Variants in TAB3 observed in about 807,000 individuals in gnomAD.
TAB3 encodes the protein TGF-beta-activated kinase 1 and MAP3K7-binding protein 3.
In TAB3, 18 loss-of-function variants were observed where a neutral mutation model predicts 48.1. The ratio of observed to expected loss-of-function variants is 0.37; its 90% CI spans 0.26 to 0.55. The LOEUF (loss-of-function observed/expected upper bound fraction) is 0.55. Ranked by LOEUF, TAB3 falls within the 20% of genes least tolerant of loss-of-function variation. The pLI is 0.78. For synonymous variants in TAB3, 185 were observed against 190.2 expected (o/e 0.97, Z 0.22); for missense variants, 414 against 549.8 (o/e 0.75, Z 2.47).
At chrX:30,840,710 G>T (rs1482833) in intron 9 of TAB3, among the ~76,000 whole-genome samples, 54,199 of 109,927 alleles carry the variant, frequency 0.49, 10,513 homozygotes, top group Non-Finnish European at 0.62. Context: ...ATGATTGTGA[G>T]GCCCGCCCAG....
intron 8 of TAB3, chrX:30,845,419 A>G (rs17283005): frequency 0.045 from 5,096 of 112,095 alleles, 133 homozygotes; most frequent in Non-Finnish European, 0.07. Context: ...ATGATGACCT[A>G]CAGCAGAGGT....
At chrX:30,831,937 G>C (rs1445269737) in intron 10 of TAB3, among the ~76,000 whole-genome samples, 1 of 111,748 alleles carries the variant, frequency 8.9e-6, no homozygotes, top group South Asian at 3.7e-4. Flanking sequence ...AGTTTTCCCT[G>C]ACTTCAGCCC....
intron 1 of TAB3, among the ~76,000 whole-genome samples, chrX:30,878,710 T>C (rs1249664385): frequency 9.0e-6 from 1 of 111,237 alleles, no homozygotes; most frequent in Non-Finnish European, 1.9e-5. Context: ...TGCTAAGCCA[T>C]AAAGTAAGTC....
At chrX:30,856,358 ATTGT>A (rs1939074729) in intron 5 of TAB3, among the ~76,000 whole-genome samples, 3 of 112,234 alleles carry the variant, frequency 2.7e-5, no homozygotes, top group African/African-American at 9.7e-5. Context: ...AAAGATTTGA[ATTGT>A]TTAATTCTAC....
chrX:30,876,608 T>G (rs1939844471), intron 1 of TAB3, among the ~76,000 whole-genome samples: 1 of 111,171 alleles, frequency 9.0e-6, no homozygotes, highest in African/African-American at 3.3e-5. Flanking sequence ...GGGGCTCAGG[T>G]GATCTTCCCA....
intron 1 of TAB3, among the ~76,000 whole-genome samples, chrX:30,879,763 A>G (rs969549634): frequency 8.9e-6 from 1 of 111,898 alleles, no homozygotes; most frequent in Non-Finnish European, 1.9e-5. Flanking sequence ...GATAAGAAAC[A>G]AAAGTATAAC....
In TAB3 at chrX:30,829,899, C is replaced by G. The variant is rs183165030; in HGVS notation, c.*1528G>C. 31 of 110,022 alleles carry G rather than the reference C, an allele frequency of 2.8e-4. No individual in the cohort carries two copies. Among genetic ancestry groups the G allele is most frequent in the Non-Finnish European group, 4.2e-4 (22 of 52,752 alleles). 9.1% of individuals were successfully genotyped at this position (110,022 alleles called of 1,213,427 possible). Reference sequence around the variant, plus strand: ...CTGATGGGAGCGTCTATGGATATTCCTAAGACGATATCCTCAGGTAAAATC... The same window carrying G: ...CTGATGGGAGCGTCTATGGATATTCGTAAGACGATATCCTCAGGTAAAATC... On this transcript the variant is annotated 3_prime_UTR_variant, in exon 11 of 11. Transcript: ENST00000288422.
At chrX:30,884,268 G>A (rs1179469029) in intron 1 of TAB3, among the ~76,000 whole-genome samples, 1 of 111,745 alleles carries the variant, frequency 8.9e-6, no homozygotes, top group Non-Finnish European at 1.9e-5. Context: ...TAATGATGAC[G>A]ACAACGTAAT....
chrX:30,852,971 A>T, intron 6 of TAB3, 33 bp from the exon 7 acceptor site: 2 of 1,186,715 alleles, frequency 1.7e-6, no homozygotes, highest in Non-Finnish European at 1.1e-6. Flanking sequence ...ATTGCAGAGA[A>T]CAACATTGAA....
chrX:30,876,518 G>A (rs1414245530), intron 1 of TAB3, among the ~76,000 whole-genome samples: 2 of 111,657 alleles, frequency 1.8e-5, no homozygotes, highest in Non-Finnish European at 3.8e-5. Context: ...GAATTTGGGT[G>A]TTTTTGAGAC....
intron 1 of TAB3, among the ~76,000 whole-genome samples, chrX:30,887,227 G>C (rs1940158985): frequency 9.0e-6 from 1 of 111,276 alleles, no homozygotes; most frequent in African/African-American, 3.3e-5. Context: ...AAGTATCTTG[G>C]GCATGCTGAC....
At chrX:30,840,934 G>A (rs1166849453) in intron 9 of TAB3, among the ~76,000 whole-genome samples, 1 of 111,870 alleles carries the variant, frequency 8.9e-6, no homozygotes, top group African/African-American at 3.3e-5. Flanking sequence ...AGTTTGTCTG[G>A]CGATACTTCT....
chrX:30,868,685 ACT>A (rs1255278844), intron 2 of TAB3, among the ~76,000 whole-genome samples: 2 of 93,297 alleles, frequency 2.1e-5, no homozygotes, highest in Non-Finnish European at 4.2e-5. Context: ...ACAGATGAGC[ACT>A]CTCTCTCCCC....
chrX:30,848,737 T>C (rs1938721606), intron 7 of TAB3, among the ~76,000 whole-genome samples: 1 of 111,670 alleles, frequency 9.0e-6, no homozygotes, highest in African/African-American at 3.3e-5. Flanking sequence ...TATGTATAAT[T>C]CAAAGTTGTC....
At chrX:30,849,966 T>A (rs1727809348) in intron 7 of TAB3, among the ~76,000 whole-genome samples, 1 of 112,573 alleles carries the variant, frequency 8.9e-6, no homozygotes, top group African/African-American at 3.2e-5. Context: ...TTGGGCATTG[T>A]GTAAACTGCT....
intron 1 of TAB3, among the ~76,000 whole-genome samples, chrX:30,877,110 G>A (rs975947813): frequency 1.5e-4 from 17 of 112,064 alleles, no homozygotes; most frequent in African/African-American, 4.2e-4. Flanking sequence ...CAGAGGTGGG[G>A]AGATTACTTT....
intron 9 of TAB3, among the ~76,000 whole-genome samples, chrX:30,839,959 AAC>A (rs1321866993): frequency 2.7e-4 from 27 of 101,309 alleles, no homozygotes; most frequent in East Asian, 9.2e-4. Flanking sequence ...ATATTAAAAA[AAC>A]ACACACTTAC....
At chrX:30,864,813 T>TA (rs1939357338) in intron 4 of TAB3, among the ~76,000 whole-genome samples, 1 of 110,958 alleles carries the variant, frequency 9.0e-6, no homozygotes, top group Non-Finnish European at 1.9e-5. Flanking sequence ...GTTTTTTTTT[T>TA]AAAGTTGAGC....
intron 9 of TAB3, among the ~76,000 whole-genome samples, chrX:30,837,754 T>C: frequency 8.9e-6 from 1 of 112,411 alleles, no homozygotes; most frequent in East Asian, 2.8e-4. Context: ...CCAAAAACTT[T>C]TATACCTAAA....
Sources: gnomAD v4.1 joint callset for allele counts (sites outside exome capture counted in the v4.1 genomes callset) on GRCh38, gnomAD v4.1.1 for gene constraint, MANE v1.5 for transcripts, NCBI Gene and HGNC (gene_info 2026-07-23, HGNC 2026-07-21) for gene names.